The following MRPS28 variants were observed in gnomAD, a reference collection of about 807,000 sequenced individuals.
The protein encoded by MRPS28 is small ribosomal subunit protein bS1m.
MRPS28 carries 7 observed loss-of-function variants against 10.8 expected under a neutral mutation model. The ratio of observed to expected loss-of-function variants is 0.65; its 90% CI spans 0.37 to 1.22. The LOEUF (loss-of-function observed/expected upper bound fraction) is 1.22, where lower values mean the gene tolerates loss of function less well. MRPS28 is among the 50% of genes most tolerant of loss of function. The pLI is 0.02. For synonymous variants in MRPS28, 121 were observed against 93.3 expected, an observed-to-expected ratio of 1.30 and a Z score of -1.71; for missense variants, 265 against 232.9, an observed-to-expected ratio of 1.14 and a Z score of -0.90.
At chr8:80,021,508 G>A (rs1272941121) in intron 1 of MRPS28, among the ~76,000 whole-genome samples, 2 of 152,324 alleles carry the variant, frequency 1.3e-5, no homozygotes, top group Non-Finnish European at 1.5e-5. Flanking sequence ...TAAGCCAGAT[G>A]CTGACAGATG....
chr8:80,004,253 C>T (rs1442566578), intron 1 of MRPS28, among the ~76,000 whole-genome samples: 2 of 152,222 alleles, frequency 1.3e-5, no homozygotes, highest in Non-Finnish European at 2.9e-5. Flanking sequence ...GGCAGACTGA[C>T]ACCTCACACA....
chr8:79,983,885 CA>C (rs2130089496), intron 2 of MRPS28, among the ~76,000 whole-genome samples: 1 of 152,302 alleles, frequency 6.6e-6, no homozygotes, highest in South Asian at 2.1e-4. Context: ...CCCAATCTAG[CA>C]AGGCAGGCCA....
At chr8:79,980,486 C>T (rs1807925408) in intron 2 of MRPS28, among the ~76,000 whole-genome samples, 1 of 152,190 alleles carries the variant, frequency 6.6e-6, no homozygotes. Flanking sequence ...AATAAATTCT[C>T]ATTTAATTTG....
At chr8:79,974,520 G>A (rs1022982765) in intron 2 of MRPS28, among the ~76,000 whole-genome samples, 4 of 150,802 alleles carry the variant, frequency 2.7e-5, no homozygotes, top group Non-Finnish European at 4.4e-5. Context: ...CAGCCTGGGC[G>A]ACAGAGCGAG....
chr8:80,024,615 C>T (rs535773492), intron 1 of MRPS28, among the ~76,000 whole-genome samples: 91 of 152,296 alleles, frequency 6.0e-4, no homozygotes, highest in Non-Finnish European at 9.9e-4. Context: ...CTTGGACTTT[C>T]ACCATATACA....
intron 2 of MRPS28, among the ~76,000 whole-genome samples, chr8:79,936,533 T>C (rs1806608975): frequency 6.6e-6 from 1 of 152,164 alleles, no homozygotes; most frequent in Admixed American, 6.5e-5. Flanking sequence ...TAAAAAGAGA[T>C]GGGCATAACA....
intron 1 of MRPS28, among the ~76,000 whole-genome samples, chr8:80,005,139 C>G (rs1808794923): frequency 6.6e-6 from 1 of 152,064 alleles, no homozygotes; most frequent in African/African-American, 2.4e-5. Context: ...CAGAGAACGC[C>G]ACAAAGATAC....
chr8:79,972,631 A>C (rs1268781215), intron 2 of MRPS28, among the ~76,000 whole-genome samples: 1 of 152,260 alleles, frequency 6.6e-6, no homozygotes, highest in Non-Finnish European at 1.5e-5. Context: ...TTTTAAAATC[A>C]AAACAATCAG....
chr8:79,941,012 A>T (rs1048438989), intron 2 of MRPS28, among the ~76,000 whole-genome samples: 3 of 152,228 alleles, frequency 2.0e-5, no homozygotes, highest in African/African-American at 7.2e-5. Flanking sequence ...CAAACTAGTG[A>T]TATAAGCCTA....
chr8:79,999,463 C>T (rs1350256887), intron 2 of MRPS28, among the ~76,000 whole-genome samples: 1 of 152,152 alleles, frequency 6.6e-6, no homozygotes, highest in African/African-American at 2.4e-5. Flanking sequence ...ATAATATTTT[C>T]AAAGCATAAG....
intron 2 of MRPS28, among the ~76,000 whole-genome samples, chr8:79,919,412 C>G (rs1414628223): frequency 6.6e-6 from 1 of 151,790 alleles, no homozygotes; most frequent in African/African-American, 2.4e-5. Flanking sequence ...GCAATCAGAG[C>G]TTACCGTAAC....
At chr8:79,933,079 A>G (rs775589763) in intron 2 of MRPS28, among the ~76,000 whole-genome samples, 15 of 152,186 alleles carry the variant, frequency 9.9e-5, no homozygotes, top group Non-Finnish European at 1.8e-4. Flanking sequence ...TTTATTTTCT[A>G]CAACAATGTG....
intron 2 of MRPS28, among the ~76,000 whole-genome samples, chr8:79,949,876 C>G (rs1807037076): frequency 6.6e-6 from 1 of 152,070 alleles, no homozygotes; most frequent in South Asian, 2.1e-4. Context: ...TTCTATATCC[C>G]TTTCCTCAAC....
intron 2 of MRPS28, among the ~76,000 whole-genome samples, chr8:79,990,840 C>A (rs532334246): frequency 7.0e-6 from 1 of 143,778 alleles, no homozygotes; most frequent in South Asian, 2.3e-4. Flanking sequence ...AAAAAAAATT[C>A]AAAATTAGCT....
chr8:79,922,569 T>C (rs1810123338), intron 2 of MRPS28, among the ~76,000 whole-genome samples: 1 of 152,112 alleles, frequency 6.6e-6, no homozygotes, highest in Non-Finnish European at 1.5e-5. Context: ...AAATAGCATG[T>C]TATACCCAAT....
intron 2 of MRPS28, among the ~76,000 whole-genome samples, chr8:79,923,662 C>T (rs913759081): frequency 6.6e-5 from 10 of 152,070 alleles, no homozygotes; most frequent in African/African-American, 2.2e-4. Context: ...TGAGCACATT[C>T]AAAACGAAAA....
chr8:79,933,258 C>T (rs1185592742), intron 2 of MRPS28, among the ~76,000 whole-genome samples: 1 of 152,174 alleles, frequency 6.6e-6, no homozygotes, highest in Non-Finnish European at 1.5e-5. Flanking sequence ...GGTGAAGGCT[C>T]TCTTCCCGGC....
At chr8:79,947,553 CTTGT>C in intron 2 of MRPS28, among the ~76,000 whole-genome samples, 1 of 149,062 alleles carries the variant, frequency 6.7e-6, no homozygotes, top group South Asian at 2.1e-4. Context: ...TTATTTAGCT[CTTGT>C]TTAATTTCCT....
intron 1 of MRPS28, among the ~76,000 whole-genome samples, chr8:80,007,742 A>G (rs1248920337): frequency 6.6e-6 from 1 of 152,200 alleles, no homozygotes; most frequent in East Asian, 1.9e-4. Context: ...TTCAAGGAGA[A>G]CTACAAACCA....
Sources: gnomAD v4.1 joint callset for allele counts (sites outside exome capture counted in the v4.1 genomes callset) on GRCh38, gnomAD v4.1.1 for gene constraint, MANE v1.5 for transcripts, NCBI Gene and HGNC (gene_info 2026-07-23, HGNC 2026-07-21) for gene names.